Variants in USP34 observed in about 807,000 individuals in gnomAD.
USP34 encodes the protein ubiquitin specific peptidase 34.
Under a neutral mutation model 460.3 loss-of-function variants are expected in USP34, and 70 were observed. The observed-to-expected ratio is 0.15, with a 90% CI of 0.13 to 0.19. USP34 has a LOEUF of 0.19. USP34 is among the 10% of genes least tolerant of loss of function. The probability of loss-of-function intolerance (pLI) is 1.00; values close to 1 mark genes in which losing one functional copy is unlikely to be tolerated. For synonymous variants in USP34, 1,647 were observed against 1,405.3 expected, an observed-to-expected ratio of 1.17 and a Z score of -3.85; for missense variants, 3,985 against 4,236.2, an observed-to-expected ratio of 0.94 and a Z score of 1.65.
intron 74 of USP34, among the ~76,000 whole-genome samples, chr2:61,203,582 A>G (rs1002911052): frequency 6.6e-6 from 1 of 152,164 alleles, no homozygotes; most frequent in African/African-American, 2.4e-5. Context: ...CTTTTGAAAT[A>G]GATTCCAAGT....
chr2:61,376,213 A>G (rs910002203), intron 8 of USP34, among the ~76,000 whole-genome samples: 80 of 145,704 alleles, frequency 5.5e-4, no homozygotes, highest in African/African-American at 2.2e-3. Flanking sequence ...ATGTATTTAT[A>G]TGTTAATAAA....
intron 32 of USP34, among the ~76,000 whole-genome samples, chr2:61,294,146 C>T (rs1028905927): frequency 6.6e-6 from 1 of 152,020 alleles, no homozygotes; most frequent in Non-Finnish European, 1.5e-5. Flanking sequence ...CAGATCAAGA[C>T]CATCCTGGCT....
At chr2:61,439,685 T>C (rs1694911449) in intron 1 of USP34, among the ~76,000 whole-genome samples, 4 of 152,154 alleles carry the variant, frequency 2.6e-5, no homozygotes, top group Admixed American at 1.3e-4. Flanking sequence ...ACACCTGACC[T>C]TGGCATGTTT....
intron 33 of USP34, among the ~76,000 whole-genome samples, chr2:61,291,660 G>A (rs1689856338): frequency 6.6e-6 from 1 of 152,142 alleles, no homozygotes; most frequent in African/African-American, 2.4e-5. Flanking sequence ...CACATGAAAA[G>A]CTGCTCAAGA....
chr2:61,423,275 G>T (rs1473083224), intron 1 of USP34, among the ~76,000 whole-genome samples: 1 of 151,986 alleles, frequency 6.6e-6, no homozygotes, highest in Non-Finnish European at 1.5e-5. Flanking sequence ...CATCACGCCT[G>T]GCTAGTTTTT....
rs1231887868 is a variant in USP34 at position 61,188,573 on chromosome 2, G to A, written c.10170C>T (p.Thr3390=). ...LTPTSTSDNE[T]RDSSIIDPGT... ...CTGGATCAATAATTGAGGAGTCTCTGGTCTCATTGTCAGAAGTGCTCGTTG... is the reference window on the plus strand; with the variant it reads ...CTGGATCAATAATTGAGGAGTCTCTAGTCTCATTGTCAGAAGTGCTCGTTG... The change falls in exon 80 of 80, where the codon ACC becomes ACT. Residue 3390 remains threonine, a synonymous_variant. Coordinates refer to ENST00000398571, the MANE Select transcript of USP34 (RefSeq NM_014709.4). 4 of 1,614,072 alleles carry A rather than the reference G, an allele frequency of 2.5e-6. No homozygotes were observed. Among genetic ancestry groups the A allele is most frequent in the East Asian group, 4.5e-5 (2 of 44,896 alleles).
rs1025319673 is a variant in USP34 at position 61,336,766 on chromosome 2, T to C, written c.2744+2585A>G. Among the ~76,000 whole-genome samples, 15 of 135,218 alleles carry C rather than the reference T, an allele frequency of 1.1e-4. No homozygotes were observed. The Admixed American group carries it at 1.3e-3, about 11-fold the overall frequency. The allele number at this position is 135,218 out of a possible 152,430, so 88.7% of individuals were successfully genotyped here. On this transcript the variant is annotated intron_variant, in intron 18 of 79. Coordinates refer to ENST00000398571, the MANE Select transcript of USP34 (RefSeq NM_014709.4). ...CAGAGGCTGTCGTCAGCCAAGATCA[T>C]GTCACTGCACTCCAGCCTGAGAAAC...
Position 61,470,877 on chromosome 2 carries a change from C to A in USP34, c.-185G>T. ...AATGGGGGAGGGGGCCGGCGGTCCC[C>A]GCAGCGGGAGGGGGAGAGGAGGGGA... On this transcript the variant is annotated 5_prime_UTR_variant, in exon 1 of 80. Transcript: ENST00000398571. 4.4e-6 allele frequency: 1 copy of A among 226,270 alleles called. No individual in the cohort carries two copies. The highest frequency in any genetic ancestry group is 4.8e-5 in the South Asian group (1 of 20,782). The allele number at this position is 226,270 out of a possible 1,614,324, so 14.0% of individuals were successfully genotyped here. A position where few individuals can be genotyped will look rare whatever the true frequency, so the allele number is the denominator to read the frequency against.
Position 61,211,797 on chromosome 2 carries a change from G to T in USP34, c.8815C>A (p.Arg2939Ser). 6.3e-7 allele frequency: 1 copy of T among 1,585,440 alleles called. No homozygotes were observed. The highest frequency in any genetic ancestry group is 8.5e-7 in the Non-Finnish European group (1 of 1,171,000). ...CTTATTAAAGTAGTCCAGCAGGAGCGGCCATCTAAGCAACGTAAGTAACAA... is the reference window on the plus strand; with the variant it reads ...CTTATTAAAGTAGTCCAGCAGGAGCTGCCATCTAAGCAACGTAAGTAACAA... The part of the protein sequence containing the change: ...ISCYLRCLDG[R>S]SCWTTLISAF... Residue 2939 changes from arginine to serine, a missense_variant, in exon 69 of 80, where the codon CGC (arginine) becomes AGC (serine). Arg to Ser is a moderately radical substitution (Grantham distance 110). Coordinates refer to ENST00000398571, the MANE Select transcript of USP34 (RefSeq NM_014709.4).
intron 1 of USP34, among the ~76,000 whole-genome samples, chr2:61,463,865 G>C (rs1053851874): frequency 6.6e-6 from 1 of 151,856 alleles, no homozygotes; most frequent in African/African-American, 2.4e-5. Flanking sequence ...GCCTAATCTG[G>C]GATTAAGTCC....
chr2:61,332,860 T>G (rs749627734), intron 19 of USP34, among the ~76,000 whole-genome samples: 9 of 151,932 alleles, frequency 5.9e-5, no homozygotes, highest in Non-Finnish European at 1.2e-4. Context: ...ATATTCCCTT[T>G]AAAAGAACAA....
intron 75 of USP34, among the ~76,000 whole-genome samples, chr2:61,201,248 G>A (rs976483546): frequency 4.7e-5 from 6 of 127,170 alleles, no homozygotes; most frequent in African/African-American, 1.5e-4. Context: ...ACTGGGTCTC[G>A]CTTAGTCACC....
Position 61,266,035 on chromosome 2 carries a change from C to T in USP34, c.5566G>A (p.Val1856Ile). 1 of 1,613,860 alleles carries T rather than the reference C, an allele frequency of 6.2e-7. No individual in the cohort carries two copies. Among genetic ancestry groups the T allele is most frequent in the Non-Finnish European group, 8.5e-7 (1 of 1,179,788 alleles). The change falls in exon 42 of 80, where the codon GTT becomes ATT. Residue 1856 changes from valine (V) to isoleucine (I), a missense_variant. By Grantham distance (29) the Val-to-Ile change is conservative. Transcript: ENST00000398571. ...TTGTGTATTAGCCTGTAGTTCTCAACAGACCCCTTTACCATCTCTACTAAC... is the reference window on the plus strand; with the variant it reads ...TTGTGTATTAGCCTGTAGTTCTCAATAGACCCCTTTACCATCTCTACTAAC... ...DLLVEMVKGSVENYRLIHNWV... is the reference protein window; with the variant it reads ...DLLVEMVKGSIENYRLIHNWV...
chr2:61,262,987 G>GA (rs1688938466), intron 43 of USP34, among the ~76,000 whole-genome samples: 1 of 151,594 alleles, frequency 6.6e-6, no homozygotes, highest in East Asian at 1.9e-4. Context: ...GTCTCCTTTT[G>GA]AAAAGTGTCT....
intron 5 of USP34, among the ~76,000 whole-genome samples, chr2:61,386,409 A>G (rs904144112): frequency 3.3e-5 from 5 of 152,188 alleles, no homozygotes; most frequent in African/African-American, 1.2e-4. Flanking sequence ...ATAAAAATGT[A>G]TTGCAGTTGA....
At chr2:61,193,048 C>T in intron 75 of USP34, 68 bp from the exon 76 acceptor site, 2 of 1,252,606 alleles carry the variant, frequency 1.6e-6, no homozygotes, top group Non-Finnish European at 2.3e-6. Flanking sequence ...CTCAACTCTG[C>T]AGGTACAATA....
At chr2:61,443,698 C>A (rs1695031880) in intron 1 of USP34, among the ~76,000 whole-genome samples, 1 of 152,118 alleles carries the variant, frequency 6.6e-6, no homozygotes, top group African/African-American at 2.4e-5. Flanking sequence ...GGGTAGGGCA[C>A]ACAGGATTTT....
At chr2:61,418,156 T>C (rs895660382) in intron 2 of USP34, among the ~76,000 whole-genome samples, 1 of 151,954 alleles carries the variant, frequency 6.6e-6, no homozygotes, top group Non-Finnish European at 1.5e-5. Flanking sequence ...CTCAGCTCAC[T>C]GCAACCTCCG....
At chr2:61,233,822 G>A (rs1267900793) in intron 57 of USP34, among the ~76,000 whole-genome samples, 1 of 146,852 alleles carries the variant, frequency 6.8e-6, no homozygotes, top group African/African-American at 2.5e-5. Context: ...CTGGATGACA[G>A]AGTGACACCC....
Sources: allele counts gnomAD v4.1 joint callset (sites outside exome capture counted in the v4.1 genomes callset), GRCh38; gene constraint gnomAD v4.1.1; transcripts MANE v1.5; gene names NCBI Gene and HGNC (gene_info 2026-07-23, HGNC 2026-07-21).